The following GPHN variants were observed in gnomAD, a reference collection of about 807,000 sequenced individuals.
GPHN encodes gephyrin.
A neutral mutation model predicts 95.5 loss-of-function variants in GPHN; 17 were observed. The ratio of observed to expected loss-of-function variants is 0.18; its 90% confidence interval spans 0.12 to 0.27. The LOEUF (loss-of-function observed/expected upper bound fraction) is 0.27, where lower values mean the gene tolerates loss of function less well. GPHN is among the 10% of genes least tolerant of loss of function. The probability of loss-of-function intolerance (pLI) is 1.00; values close to 1 mark genes in which losing one functional copy is unlikely to be tolerated. For synonymous variants in GPHN, 320 were observed against 322.5 expected (o/e 0.99, Z 0.08); for missense variants, 660 against 978.1 (o/e 0.67, Z 4.34).
intron 6 of GPHN, among the ~76,000 whole-genome samples, chr14:66,918,611 G>A (rs1269973829): frequency 2.0e-5 from 3 of 151,648 alleles, no homozygotes; most frequent in Non-Finnish European, 4.4e-5. Flanking sequence ...AGAGAGGGAG[G>A]GTAGCCTATA....
intron 13 of GPHN, among the ~76,000 whole-genome samples, chr14:67,101,596 C>T (rs952404674): frequency 2.0e-5 from 3 of 151,280 alleles, no homozygotes; most frequent in Non-Finnish European, 4.4e-5. Flanking sequence ...GTCTTTCTTA[C>T]GTAAACCACA....
At chr14:66,514,216 A>G (rs1436649493) in intron 1 of GPHN, among the ~76,000 whole-genome samples, 3 of 152,024 alleles carry the variant, frequency 2.0e-5, no homozygotes, top group African/African-American at 7.2e-5. Context: ...CAAAGTATAG[A>G]ATTCATATGA....
the GPHN span, chr14:67,662,519 C>G: frequency 1.2e-6 from 2 of 1,611,500 alleles, no homozygotes; most frequent in Non-Finnish European, 1.7e-6. Context: ...AATCCCTGAT[C>G]AATTTCTTCT....
chr14:66,772,687 A>G (rs2059224217), intron 2 of GPHN, among the ~76,000 whole-genome samples: 1 of 152,228 alleles, frequency 6.6e-6, no homozygotes, highest in South Asian at 2.1e-4. Context: ...CCAATTTCAT[A>G]TTCTTCTTTA....
At position 67,014,877 on chromosome 14, in the gene GPHN, A is replaced by G. The variant is rs17103826; in HGVS notation, c.964-8756A>G. Among the ~76,000 whole-genome samples the G allele has an allele frequency of 3.0e-3, 454 of 152,276 alleles. 3 individuals carry two copies. The highest frequency in any genetic ancestry group is 0.01 in the African/African-American group (436 of 41,554). ...ATTTTCAGAACAAGCACCAAACCAA[A>G]ACGATTGTTGGTACCAAGAGGAGAC... On this transcript the variant is annotated intron_variant, in intron 9 of 22. Coordinates refer to ENST00000478722, the MANE Select transcript of GPHN (RefSeq NM_020806.5).
chr14:67,117,697 TTTAC>T (rs2078771793), intron 16 of GPHN, among the ~76,000 whole-genome samples: 1 of 152,100 alleles, frequency 6.6e-6, no homozygotes, highest in Non-Finnish European at 1.5e-5. Flanking sequence ...GTTTCAAATC[TTTAC>T]TAAGAAAAAC....
At chr14:66,683,912 C>T (rs1374438693) in intron 2 of GPHN, among the ~76,000 whole-genome samples, 1 of 150,566 alleles carries the variant, frequency 6.6e-6, no homozygotes, top group Admixed American at 6.6e-5. Flanking sequence ...AGAGGCAGAG[C>T]TTGCAGTGAG....
the GPHN span, among the ~76,000 whole-genome samples, chr14:67,539,537 T>C: frequency 6.6e-6 from 1 of 152,218 alleles, no homozygotes; most frequent in African/African-American, 2.4e-5. Flanking sequence ...GAGATTATGG[T>C]GTCAGAATAT....
At chr14:66,526,611 G>A (rs562448399) in intron 1 of GPHN, among the ~76,000 whole-genome samples, 2 of 152,214 alleles carry the variant, frequency 1.3e-5, no homozygotes, top group East Asian at 3.9e-4. Flanking sequence ...TGTTGGCTGT[G>A]GGTTTGTCAT....
At chr14:66,996,098 C>A in intron 9 of GPHN, 1 of 893,250 alleles carries the variant, frequency 1.1e-6, no homozygotes, top group Non-Finnish European at 1.8e-6. Context: ...GGTGATGGAG[C>A]CATCTAAACC....
chr14:67,484,534 A>T, the GPHN span, among the ~76,000 whole-genome samples: 1 of 152,248 alleles, frequency 6.6e-6, no homozygotes, highest in Non-Finnish European at 1.5e-5. Flanking sequence ...GTTCCCTGTA[A>T]TCACACATCT....
chr14:67,657,617 CA>C, the GPHN span, among the ~76,000 whole-genome samples: 1 of 151,232 alleles, frequency 6.6e-6, no homozygotes, highest in African/African-American at 2.5e-5. Flanking sequence ...CACACACACA[CA>C]CACACCCAAA....
chr14:67,408,983 G>A, the GPHN span, among the ~76,000 whole-genome samples: 1 of 151,908 alleles, frequency 6.6e-6, no homozygotes, highest in African/African-American at 2.4e-5. Context: ...GAGAGGCCAA[G>A]GTGGGAGGAT....
At chr14:67,276,009 C>T in the GPHN span, among the ~76,000 whole-genome samples, 1 of 152,078 alleles carries the variant, frequency 6.6e-6, no homozygotes, top group South Asian at 2.1e-4. Context: ...ATTCTTCTCT[C>T]TTTTCTTCAT....
the GPHN span, among the ~76,000 whole-genome samples, chr14:67,423,313 C>T: frequency 6.6e-6 from 1 of 152,166 alleles, no homozygotes; most frequent in Non-Finnish European, 1.5e-5. Context: ...GTACTCATGA[C>T]ATAATTTTGT....
At chr14:66,692,221 C>T (rs1408283729) in intron 2 of GPHN, among the ~76,000 whole-genome samples, 1 of 152,012 alleles carries the variant, frequency 6.6e-6, no homozygotes, top group African/African-American at 2.4e-5. Flanking sequence ...TGTTATTTAC[C>T]TCCTGACTGT....
chr14:67,279,688 A>G, the GPHN span: 3 of 689,174 alleles, frequency 4.4e-6, no homozygotes, highest in Middle Eastern at 8.6e-4. Flanking sequence ...GAAACGCCGT[A>G]TAACTATTGT....
At chr14:67,363,298 T>C in the GPHN span, among the ~76,000 whole-genome samples, 1 of 151,974 alleles carries the variant, frequency 6.6e-6, no homozygotes. Flanking sequence ...TTCTCTTTAT[T>C]TGCTAAATCC....
the GPHN span, among the ~76,000 whole-genome samples, chr14:67,730,010 G>C: frequency 6.6e-6 from 1 of 152,208 alleles, no homozygotes; most frequent in Admixed American, 6.5e-5. Context: ...ATTCCGTGAA[G>C]CACTGGAAAT....
Sources: gnomAD v4.1 joint callset for allele counts (sites outside exome capture counted in the v4.1 genomes callset) on GRCh38, gnomAD v4.1.1 for gene constraint, MANE v1.5 for transcripts, NCBI Gene and HGNC (gene_info 2026-07-23, HGNC 2026-07-21) for gene names.